Variants in LHX8 observed in about 807,000 individuals in gnomAD.
LHX8 encodes LIM homeobox 8.
A neutral mutation model predicts 40.3 loss-of-function variants in LHX8; 12 were observed. The observed-to-expected ratio is 0.30, with a 90% CI of 0.19 to 0.48. The LOEUF is 0.48. Among genes scored for constraint, LHX8 ranks in the 20% least tolerant of loss-of-function variants. The pLI is 0.99. For synonymous variants in LHX8, 179 were observed against 162.0 expected (o/e 1.10, Z -0.80); for missense variants, 344 against 433.7 (o/e 0.79, Z 1.84).
intron 7 of LHX8, among the ~76,000 whole-genome samples, chr1:75,153,436 G>A (rs1206417429): frequency 1.3e-5 from 2 of 151,298 alleles, no homozygotes; most frequent in African/African-American, 2.4e-5. Flanking sequence ...TTTTTGAGAT[G>A]GAGTCTTGCT....
chr1:75,184,694 C>G, the LHX8 span, among the ~76,000 whole-genome samples: 1 of 151,926 alleles, frequency 6.6e-6, no homozygotes, highest in African/African-American at 2.4e-5. Flanking sequence ...AACTTAACAT[C>G]GCAGCTAAAA....
downstream of LHX8, among the ~76,000 whole-genome samples, chr1:75,164,048 G>A (rs762467355): frequency 2.6e-5 from 4 of 152,136 alleles, no homozygotes; most frequent in Non-Finnish European, 5.9e-5. Context: ...TACCCTGTCT[G>A]ATATTTTGTT....
Position 75,143,916 on chromosome 1 carries a change from G to T in LHX8, c.652G>T (p.Ala218Ser), listed in dbSNP as rs776961606. 6.2e-7 allele frequency: 1 copy of T among 1,613,298 alleles called. No individual in the cohort carries two copies. The highest frequency in any genetic ancestry group is 1.7e-5 in the Admixed American group (1 of 59,970). ...TAACCATCCAAAACCAGCAAAAAGA[G>T]CTCGGACCAGCTTTACAGCAGATCA... ...DVNHPKPAKR[A>S]RTSFTADQLQ... Residue 218 changes from alanine to serine, a missense_variant, in exon 6 of 9, where the codon GCT becomes TCT. Physicochemically the swap from Ala to Ser is moderately conservative, Grantham distance 99. Transcript: ENST00000356261.
the LHX8 span, among the ~76,000 whole-genome samples, chr1:75,173,914 AT>A: frequency 3.3e-5 from 5 of 152,150 alleles, no homozygotes; most frequent in African/African-American, 1.2e-4. Flanking sequence ...AAATCTGAAA[AT>A]TCAAAATCCA....
intron 5 of LHX8, among the ~76,000 whole-genome samples, chr1:75,143,624 T>C (rs1319214984): frequency 6.6e-6 from 1 of 152,190 alleles, no homozygotes; most frequent in Non-Finnish European, 1.5e-5. Flanking sequence ...GCCTTAGATG[T>C]GTACTTCTAA....
At chr1:75,171,781 C>G in the LHX8 span, among the ~76,000 whole-genome samples, 2,613 of 152,146 alleles carry the variant, frequency 0.017, 77 homozygotes, top group African/African-American at 0.06. Context: ...TCTTGCCTTC[C>G]CTTCTTTCCA....
the LHX8 span, among the ~76,000 whole-genome samples, chr1:75,176,265 T>G: frequency 7.9e-5 from 12 of 152,334 alleles, no homozygotes; most frequent in East Asian, 2.3e-3. Context: ...CCACAATGGT[T>G]TAACTAGTTT....
upstream of LHX8, among the ~76,000 whole-genome samples, chr1:75,133,804 A>G (rs1336760498): frequency 6.6e-6 from 1 of 152,214 alleles, no homozygotes. Flanking sequence ...ACTCATTAGC[A>G]ACATACTTTT....
chr1:75,152,812 T>A (rs1029122974), intron 7 of LHX8, among the ~76,000 whole-genome samples: 1 of 152,226 alleles, frequency 6.6e-6, no homozygotes, highest in African/African-American at 2.4e-5. Context: ...CTCTTTTACA[T>A]CCTTTACAAT....
the LHX8 span, among the ~76,000 whole-genome samples, chr1:75,186,140 C>A: frequency 6.6e-6 from 1 of 152,126 alleles, no homozygotes; most frequent in East Asian, 1.9e-4. Context: ...AGATCCAATG[C>A]TACTCCTATC....
chr1:75,188,126 C>T, the LHX8 span, among the ~76,000 whole-genome samples: 1 of 152,072 alleles, frequency 6.6e-6, no homozygotes, highest in African/African-American at 2.4e-5. Flanking sequence ...AAATCTCATA[C>T]TCCCATGACA....
At chr1:75,154,605 T>C (rs915930714) in intron 7 of LHX8, among the ~76,000 whole-genome samples, 1 of 152,020 alleles carries the variant, frequency 6.6e-6, no homozygotes, top group Non-Finnish European at 1.5e-5. Flanking sequence ...CCCTTACACA[T>C]TGGAGAATGT....
intron 7 of LHX8, among the ~76,000 whole-genome samples, chr1:75,155,295 CAT>C (rs1260073516): frequency 7.7e-6 from 1 of 129,728 alleles, no homozygotes; most frequent in South Asian, 2.6e-4. Flanking sequence ...AGTGCAGTGG[CAT>C]GATCTTGGCT....
At chr1:75,156,228 GTTGTTGTT>G (rs776016542) in intron 7 of LHX8, among the ~76,000 whole-genome samples, 17,332 of 128,970 alleles carry the variant, frequency 0.13, 1,250 homozygotes, top group Middle Eastern at 0.24. Context: ...TGTTGTTGTT[GTTGTTGTT>G]TTGTTTTGTT....
At chr1:75,141,127 T>G in intron 4 of LHX8, 21 bp downstream of exon 4, 1 of 1,610,708 alleles carries the variant, frequency 6.2e-7, no homozygotes. Context: ...AAGCTTTTTC[T>G]TAGTAGATAC....
chr1:75,138,850 T>C (rs1277547633), intron 3 of LHX8, among the ~76,000 whole-genome samples: 1 of 152,158 alleles, frequency 6.6e-6, no homozygotes. Flanking sequence ...ACATAAAGCT[T>C]TCCTTTGTAA....
At chr1:75,145,302 G>A (rs148090649) in intron 6 of LHX8, among the ~76,000 whole-genome samples, 166 of 152,156 alleles carry the variant, frequency 1.1e-3, no homozygotes, top group Non-Finnish European at 1.9e-3. Flanking sequence ...AGTTAAAATA[G>A]AATCTCTAAT....
At chr1:75,136,329 G>A (rs1014837013) in intron 1 of LHX8, among the ~76,000 whole-genome samples, 1 of 152,008 alleles carries the variant, frequency 6.6e-6, no homozygotes, top group East Asian at 1.9e-4. Context: ...GGGGGGCGGG[G>A]AACCGACGTG....
intron 6 of LHX8, 21 bp from the exon 7 acceptor site, chr1:75,148,566 C>G (rs746574105): frequency 6.4e-7 from 1 of 1,560,540 alleles, no homozygotes; most frequent in East Asian, 2.2e-5. Flanking sequence ...CTATTTACTA[C>G]ATACATGTTT....
Sources: gnomAD v4.1 joint callset for allele counts (sites outside exome capture counted in the v4.1 genomes callset) on GRCh38, gnomAD v4.1.1 for gene constraint, MANE v1.5 for transcripts, NCBI Gene and HGNC (gene_info 2026-07-23, HGNC 2026-07-21) for gene names.